STXBP5L: variants seen among roughly 807,000 people sequenced by gnomAD.
STXBP5L encodes syntaxin-binding protein 5-like.
Under a neutral mutation model 144.5 loss-of-function variants are expected in STXBP5L, and 65 were observed. The observed-to-expected ratio is 0.45, with a 90% CI of 0.37 to 0.55. The LOEUF is 0.55. STXBP5L is among the 20% of genes least tolerant of loss of function. The pLI is 0.00. For missense variants in STXBP5L, 1,298 were observed against 1,405.5 expected (o/e 0.92, Z 1.22); for synonymous variants, 505 against 469.6 (o/e 1.08, Z -0.97).
chr3:121,187,329 C>G (rs1378236604), intron 9 of STXBP5L, among the ~76,000 whole-genome samples: 2 of 148,474 alleles, frequency 1.3e-5, no homozygotes, highest in East Asian at 4.0e-4. Flanking sequence ...CATGTTCTCA[C>G]TCTTAGGTGG....
chr3:121,405,719 TAAAG>T (rs759358894), intron 22 of STXBP5L, among the ~76,000 whole-genome samples: 18 of 152,232 alleles, frequency 1.2e-4, no homozygotes, highest in Middle Eastern at 3.4e-3. Context: ...TGGAAAAGAT[TAAAG>T]AAAGAATTCT....
At chr3:121,284,110 T>C (rs911823660) in intron 19 of STXBP5L, among the ~76,000 whole-genome samples, 2 of 152,042 alleles carry the variant, frequency 1.3e-5, no homozygotes, top group Admixed American at 6.6e-5. Context: ...ATATCAGCCA[T>C]GATGTAAAGT....
At chr3:121,099,380 T>A (rs890852496) in intron 5 of STXBP5L, 11 of 152,162 alleles carry the variant, frequency 7.2e-5, no homozygotes, top group African/African-American at 2.7e-4. Context: ...CACAGCCTGA[T>A]CTCTTGGTTA....
At chr3:121,338,690 G>A (rs2044600310) in intron 20 of STXBP5L, among the ~76,000 whole-genome samples, 1 of 149,116 alleles carries the variant, frequency 6.7e-6, no homozygotes, top group Non-Finnish European at 1.5e-5. Flanking sequence ...AAGGAAAGAA[G>A]GAAGGAAGGA....
chr3:121,187,437 T>C, intron 9 of STXBP5L, among the ~76,000 whole-genome samples: 1 of 148,590 alleles, frequency 6.7e-6, no homozygotes, highest in East Asian at 2.0e-4. Context: ...AGGGATAGCA[T>C]TAGGAGATAC....
At chr3:121,153,189 C>T (rs2045989703) in intron 8 of STXBP5L, among the ~76,000 whole-genome samples, 1 of 152,036 alleles carries the variant, frequency 6.6e-6, no homozygotes, top group Admixed American at 6.6e-5. Context: ...AACTCCTATT[C>T]ATCAAGGAAT....
intron 3 of STXBP5L, among the ~76,000 whole-genome samples, chr3:121,003,243 C>G (rs1241727925): frequency 6.6e-6 from 1 of 152,102 alleles, no homozygotes; most frequent in African/African-American, 2.4e-5. Context: ...TTAATGATTG[C>G]CATTCTAACT....
At chr3:121,047,265 G>A (rs1947581720) in intron 5 of STXBP5L, among the ~76,000 whole-genome samples, 3 of 151,988 alleles carry the variant, frequency 2.0e-5, no homozygotes, top group Admixed American at 2.0e-4. Context: ...ATTGTTTTAT[G>A]TCCAATTGTG....
rs188078274 is a variant in STXBP5L, at chr3:121,371,429, G to A, written c.2177-7287G>A. ...TGGCCACTGGTCACAGCATTCCAAT[G>A]GGTAATGCCAACCATGGAGACAAAG... On this transcript the variant is annotated intron_variant, in intron 20 of 26. Transcript: ENST00000471454. 2.6e-3 allele frequency among the ~76,000 whole-genome samples: 400 copies of A among 152,336 alleles called. 1 individual carries two copies. Among genetic ancestry groups the A allele is most frequent in the Non-Finnish European group, 3.1e-3 (214 of 68,028 alleles).
chr3:121,395,765 TG>T (rs1360091851), intron 22 of STXBP5L, among the ~76,000 whole-genome samples: 1 of 152,178 alleles, frequency 6.6e-6, no homozygotes, highest in Non-Finnish European at 1.5e-5. Context: ...TCATTGTGAG[TG>T]GTTGTCCCGC....
rs2043859064 is a variant in STXBP5L, at chr3:121,318,510, G to A, written c.2146G>A (p.Glu716Lys). 1 of 1,564,650 alleles carries A rather than the reference G, an allele frequency of 6.4e-7. No individual in the cohort carries two copies. The highest frequency in any genetic ancestry group is 8.7e-7 in the Non-Finnish European group (1 of 1,155,746). Reference sequence around the variant, plus strand: ...ACTGAATGACAGTCCAGTTCCCCTAGAACTTGAGCGCTGCAAGTCTCCTAC... The same window carrying A: ...ACTGAATGACAGTCCAGTTCCCCTAAAACTTGAGCGCTGCAAGTCTCCTAC... The part of the protein sequence containing the change: ...TELNDSPVPL[E>K]LERCKSPTSD... Residue 716 changes from glutamate (E) to lysine (K), a missense_variant, in exon 20 of 27, where the codon GAA becomes AAA. By Grantham distance (56) the Glu-to-Lys change is moderately conservative. Transcript: ENST00000471454.
At chr3:121,090,938 C>G (rs1448167264) in intron 5 of STXBP5L, among the ~76,000 whole-genome samples, 4 of 124,118 alleles carry the variant, frequency 3.2e-5, no homozygotes, top group African/African-American at 1.2e-4. Flanking sequence ...CTCCCCCCAC[C>G]CCACAACAGT....
chr3:120,930,022 C>T (rs146791208), intron 2 of STXBP5L, among the ~76,000 whole-genome samples: 1 of 151,572 alleles, frequency 6.6e-6, no homozygotes, highest in Admixed American at 6.6e-5. Context: ...AAATTTTTCC[C>T]AGTTCATTAT....
At chr3:120,965,298 A>T (rs57483601) in intron 3 of STXBP5L, among the ~76,000 whole-genome samples, 2 of 152,152 alleles carry the variant, frequency 1.3e-5, no homozygotes, top group Non-Finnish European at 2.9e-5. Flanking sequence ...TAATACTGTT[A>T]TCTGTGAATT....
rs77748079 is a variant in STXBP5L, at chr3:121,374,595, A to C, written c.2177-4121A>C. On this transcript the variant is annotated intron_variant, in intron 20 of 26. Transcript: ENST00000471454. ...ATTCCTGAGCTGAATGAGAAATTCA[A>C]CAAAGAGATAGATATCATAAAAAAG... is the stretch of plus-strand genomic sequence containing the variant. 7.4e-3 allele frequency among the ~76,000 whole-genome samples: 1,124 copies of C among 152,312 alleles called. 8 individuals carry two copies. Among genetic ancestry groups the C allele is most frequent in the African/African-American group, 0.024 (1,000 of 41,578 alleles).
intron 3 of STXBP5L, among the ~76,000 whole-genome samples, chr3:120,988,809 C>G (rs1392844556): frequency 1.3e-5 from 2 of 152,072 alleles, no homozygotes; most frequent in Admixed American, 1.3e-4. Context: ...ATCCCTCTCC[C>G]TGTTCCCACT....
At chr3:121,243,958 A>AT (rs1393179736) in intron 14 of STXBP5L, among the ~76,000 whole-genome samples, 2 of 152,048 alleles carry the variant, frequency 1.3e-5, no homozygotes, top group African/African-American at 4.8e-5. Flanking sequence ...TTCATATTTT[A>AT]TTTTCACCTT....
rs72966802 is a variant in STXBP5L, at chr3:121,008,826, G to A, written c.288-32874G>A. 2.5e-3 allele frequency among the ~76,000 whole-genome samples: 380 copies of A among 151,998 alleles called. 2 individuals are homozygous for A. The highest frequency in any genetic ancestry group is 8.6e-3 in the African/African-American group (357 of 41,486). Reference sequence around the variant, plus strand: ...AATCACTTTATGTTTCTGAGATAGTGGTCCAGCACAAGGAAAATCCATATT... The same window carrying A: ...AATCACTTTATGTTTCTGAGATAGTAGTCCAGCACAAGGAAAATCCATATT... On this transcript the variant is annotated intron_variant, in intron 3 of 26. Coordinates refer to ENST00000471454, the MANE Select transcript of STXBP5L (RefSeq NM_001308330.2).
intron 21 of STXBP5L, among the ~76,000 whole-genome samples, chr3:121,380,850 A>T (rs537368097): frequency 1.3e-5 from 2 of 152,150 alleles, no homozygotes; most frequent in Non-Finnish European, 2.9e-5. Flanking sequence ...AAGCCCTTTC[A>T]TGCCAATCGC....
Sources: allele counts gnomAD v4.1 joint callset (sites outside exome capture counted in the v4.1 genomes callset), GRCh38; gene constraint gnomAD v4.1.1; transcripts MANE v1.5; gene names NCBI Gene and HGNC (gene_info 2026-07-23, HGNC 2026-07-21).